PEPD: variants seen among roughly 807,000 people sequenced by gnomAD.
PEPD encodes the protein xaa-Pro dipeptidase.
Under a neutral mutation model 60.7 loss-of-function variants are expected in PEPD, and 53 were observed. That is an observed-to-expected ratio of 0.87 (90% CI 0.70 to 1.10). The LOEUF (loss-of-function observed/expected upper bound fraction) is 1.10, where lower values mean the gene tolerates loss of function less well. Ranked by LOEUF, PEPD falls within the 50% of genes least tolerant of loss-of-function variation. The probability of loss-of-function intolerance (pLI) is 0.00; values close to 1 mark genes in which losing one functional copy is unlikely to be tolerated. For synonymous variants in PEPD, 267 were observed against 284.1 expected (o/e 0.94, Z 0.60); for missense variants, 711 against 711.9 (o/e 1.00, Z 0.01).
intron 6 of PEPD, among the ~76,000 whole-genome samples, chr19:33,486,611 C>T (rs1019198032): frequency 7.2e-5 from 11 of 152,136 alleles, no homozygotes; most frequent in Non-Finnish European, 1.0e-4. Context: ...CCCCACACCT[C>T]GAGACCCCAC....
rs916514719 is a variant in PEPD at position 33,403,019 on chromosome 19, C to T, written c.819-1150G>A. ...GGGCAACGGCAGAGAAGCAGCCTCC[C>T]GCTCATCCTGTGGTGTGGAAGGGAC... is the stretch of plus-strand genomic sequence containing the variant. On this transcript the variant is annotated intron_variant, in intron 11 of 14. Transcript: ENST00000244137. Among the ~76,000 whole-genome samples, 7 of 152,176 alleles carry T rather than the reference C, an allele frequency of 4.6e-5. No individual in the cohort carries two copies. In the South Asian group the frequency reaches 8.3e-4, roughly 18 times the overall value.
Position 33,423,793 on chromosome 19 carries a change from C to A in PEPD, c.672-10150G>T, listed in dbSNP as rs1050523377. ...TAATTTTCTTTATGGCATTTCTGGACAGATAATTTACATTTTTATTGGCTA... is the reference window on the plus strand; with the variant it reads ...TAATTTTCTTTATGGCATTTCTGGAAAGATAATTTACATTTTTATTGGCTA... On this transcript the variant is annotated intron_variant, in intron 9 of 14. Coordinates refer to ENST00000244137, the MANE Select transcript of PEPD (RefSeq NM_000285.4). Among the ~76,000 whole-genome samples the A allele has an allele frequency of 1.7e-4, 26 of 152,146 alleles. 1 individual carries two copies. The highest frequency in any genetic ancestry group is 1.0e-4 in the Non-Finnish European group (7 of 68,032).
intron 9 of PEPD, among the ~76,000 whole-genome samples, chr19:33,456,545 T>G (rs1279800700): frequency 6.6e-6 from 1 of 152,094 alleles, no homozygotes; most frequent in Non-Finnish European, 1.5e-5. Flanking sequence ...AAAGAGGGTG[T>G]TTCTCCAGCC....
intron 12 of PEPD, among the ~76,000 whole-genome samples, chr19:33,397,103 T>C (rs1487530555): frequency 6.6e-6 from 1 of 152,120 alleles, no homozygotes; most frequent in Non-Finnish European, 1.5e-5. Flanking sequence ...CTGCTGGGCC[T>C]GCCCTGCCAC....
At chr19:33,510,848 C>G (rs887151819) in intron 3 of PEPD, among the ~76,000 whole-genome samples, 180 bp downstream of exon 3, 1 of 152,194 alleles carries the variant, frequency 6.6e-6, no homozygotes, top group African/African-American at 2.4e-5. Flanking sequence ...CCCTTCCCAG[C>G]CAAGGGTGCA....
intron 6 of PEPD, among the ~76,000 whole-genome samples, chr19:33,488,467 G>A (rs1970436837): frequency 6.6e-6 from 1 of 152,106 alleles, no homozygotes; most frequent in African/African-American, 2.4e-5. Flanking sequence ...AGGTAGTGCT[G>A]GGGGGATTCA....
chr19:33,424,543 C>G lies in PEPD; in HGVS notation c.672-10900G>C, dbSNP rs192683177. On this transcript the variant is annotated intron_variant, in intron 9 of 14. Coordinates refer to ENST00000244137, the MANE Select transcript of PEPD (RefSeq NM_000285.4). ...TCTTGGCCCTAGAACAAAAACTCCC[C>G]CTTTTAAAAAGGACCAGAAGGCCAG... Among the ~76,000 whole-genome samples the G allele has an allele frequency of 3.9e-5, 6 of 152,266 alleles. No individual in the cohort carries two copies. In the East Asian group the frequency reaches 1.2e-3, roughly 29 times the overall value.
chr19:33,451,562 G>A (rs915101590), intron 9 of PEPD, among the ~76,000 whole-genome samples: 1 of 152,088 alleles, frequency 6.6e-6, no homozygotes, highest in Non-Finnish European at 1.5e-5. Context: ...CACAAAATAA[G>A]GCTGTAGAAA....
At chr19:33,490,232 A>G (rs1212220622) in intron 5 of PEPD, among the ~76,000 whole-genome samples, 175 bp from the exon 6 acceptor site, 1 of 152,228 alleles carries the variant, frequency 6.6e-6, no homozygotes, top group African/African-American at 2.4e-5. Context: ...ACACAAGGAC[A>G]GACCTCTTTG....
rs534328312 is a variant in PEPD, at chr19:33,392,349, G to A, written c.968-870C>T. On this transcript the variant is annotated intron_variant, in intron 12 of 14. Coordinates refer to ENST00000244137, the MANE Select transcript of PEPD (RefSeq NM_000285.4). ...TAGAGCCTCAGCAGCCCACGGGTGC[G>A]CCCGTCCCATCCCCGGACTCTGTGG... Among the ~76,000 whole-genome samples the A allele has an allele frequency of 5.3e-4, 81 of 152,312 alleles. 1 individual carries two copies. The highest frequency in any genetic ancestry group is 1.9e-3 in the African/African-American group (78 of 41,578).
chr19:33,488,106 C>T (rs117907185), intron 6 of PEPD, among the ~76,000 whole-genome samples: 1,673 of 152,228 alleles, frequency 0.011, 26 homozygotes, highest in South Asian at 0.069. Flanking sequence ...AGAGGAGGAG[C>T]AAGCAAAGCT....
intron 4 of PEPD, among the ~76,000 whole-genome samples, chr19:33,500,722 G>A (rs1022671411): frequency 1.3e-5 from 2 of 152,206 alleles, no homozygotes; most frequent in African/African-American, 4.8e-5. Context: ...AGAGTCAGGG[G>A]CCTTCCCAGG....
chr19:33,391,134 TC>T (rs1211903534), intron 13 of PEPD, among the ~76,000 whole-genome samples, 160 bp downstream of exon 13: 2 of 151,830 alleles, frequency 1.3e-5, no homozygotes, highest in Non-Finnish European at 2.9e-5. Context: ...GGGTCCCGAT[TC>T]CCCCCTCCTC....
At chr19:33,407,800 G>A (rs1968666948) in intron 11 of PEPD, among the ~76,000 whole-genome samples, 1 of 152,228 alleles carries the variant, frequency 6.6e-6, no homozygotes, top group Non-Finnish European at 1.5e-5. Context: ...GACGGCTACA[G>A]GCCCCACATG....
intron 1 of PEPD, 74 bp downstream of exon 1, chr19:33,521,670 A>C (rs1343740025): frequency 6.8e-7 from 1 of 1,473,678 alleles, no homozygotes; most frequent in Non-Finnish European, 9.2e-7. Context: ...TGACGCTCTC[A>C]CCCGCGGTCC....
At chr19:33,499,138 C>T (rs569202034) in intron 4 of PEPD, among the ~76,000 whole-genome samples, 1 of 152,248 alleles carries the variant, frequency 6.6e-6, no homozygotes, top group South Asian at 2.1e-4. Flanking sequence ...AATAAACGTT[C>T]CGTCTATTTT....
intron 9 of PEPD, among the ~76,000 whole-genome samples, chr19:33,429,681 A>G: frequency 6.6e-6 from 1 of 152,248 alleles, no homozygotes; most frequent in South Asian, 2.1e-4. Context: ...ACTATACAGG[A>G]AAGGACCAAC....
At chr19:33,398,237 G>T (rs1382825505) in intron 12 of PEPD, among the ~76,000 whole-genome samples, 4 of 152,252 alleles carry the variant, frequency 2.6e-5, no homozygotes, top group Admixed American at 6.5e-5. Context: ...TGGGTGTACA[G>T]GGTTGCTGGG....
chr19:33,427,315 G>A (rs1243147238), intron 9 of PEPD, among the ~76,000 whole-genome samples: 3 of 152,268 alleles, frequency 2.0e-5, no homozygotes, highest in South Asian at 4.1e-4. Context: ...CTCTCAGTGC[G>A]GATGCCACCA....
Sources: allele counts gnomAD v4.1 joint callset (sites outside exome capture counted in the v4.1 genomes callset), GRCh38; gene constraint gnomAD v4.1.1; transcripts MANE v1.5; gene names NCBI Gene and HGNC (gene_info 2026-07-23, HGNC 2026-07-21).